Variants in ZNF804A observed in about 807,000 individuals in gnomAD.
ZNF804A encodes zinc finger protein 804A.
ZNF804A carries 2 observed loss-of-function variants against 16.5 expected under a neutral mutation model. That is an observed-to-expected ratio of 0.12 (90% CI 0.05 to 0.38). ZNF804A has a LOEUF of 0.38. Ranked by LOEUF, ZNF804A falls within the 10% of genes least tolerant of loss-of-function variation. ZNF804A has a pLI of 0.99. For missense variants in ZNF804A, 1,473 were observed against 1,390.7 expected, an observed-to-expected ratio of 1.06 and a Z score of -0.94; for synonymous variants, 534 against 489.6, an observed-to-expected ratio of 1.09 and a Z score of -1.20.
Position 184,935,902 on chromosome 2 carries a change from C to A in ZNF804A, c.506C>A (p.Thr169Asn). The A allele has an allele frequency of 1.2e-6, 2 of 1,613,898 alleles. No individual in the cohort carries two copies. Among genetic ancestry groups the A allele is most frequent in the Non-Finnish European group, 1.7e-6 (2 of 1,179,894 alleles). Residue 169 changes from threonine (T) to asparagine (N), a missense_variant, in exon 4 of 4, where the codon ACT becomes AAT. By Grantham distance (65) the Thr-to-Asn change is moderately conservative. Transcript: ENST00000302277. ...AATAACCAGCAAGATTTCAAATATA[C>A]TTTGATTCATAGTGAAGAGAATACT... is the stretch of plus-strand genomic sequence containing the variant. ...SVNNQQDFKY[T>N]LIHSEENTKD...
chr2:184,669,290 A>G (rs1692304560), intron 1 of ZNF804A, among the ~76,000 whole-genome samples: 1 of 152,096 alleles, frequency 6.6e-6, no homozygotes. Flanking sequence ...GCTGACATAT[A>G]AAGTACTTCA....
At chr2:184,911,074 T>C (rs1280382570) in intron 2 of ZNF804A, among the ~76,000 whole-genome samples, 1 of 152,012 alleles carries the variant, frequency 6.6e-6, no homozygotes, top group Non-Finnish European at 1.5e-5. Flanking sequence ...GAATGGTGTT[T>C]ACCAGGTTTT....
At chr2:184,742,879 G>C (rs1559139679) in intron 1 of ZNF804A, among the ~76,000 whole-genome samples, 1 of 151,728 alleles carries the variant, frequency 6.6e-6, no homozygotes, top group Non-Finnish European at 1.5e-5. Context: ...ATCTCAATCT[G>C]GTGAAAGTGA....
intron 1 of ZNF804A, among the ~76,000 whole-genome samples, chr2:184,765,596 C>T (rs1262428676): frequency 1.4e-5 from 2 of 144,064 alleles, no homozygotes; most frequent in Admixed American, 1.4e-4. Flanking sequence ...TCACTACCCC[C>T]TCACATGCAC....
intron 1 of ZNF804A, among the ~76,000 whole-genome samples, chr2:184,854,088 G>A (rs909005102): frequency 2.6e-5 from 4 of 151,836 alleles, no homozygotes; most frequent in South Asian, 4.2e-4. Context: ...TGTTAGTAAC[G>A]ATTTGATCTT....
chr2:184,611,095 A>G (rs979906653), intron 1 of ZNF804A, among the ~76,000 whole-genome samples: 1 of 152,106 alleles, frequency 6.6e-6, no homozygotes, highest in African/African-American at 2.4e-5. Flanking sequence ...GTGTCTGGTG[A>G]GAGCTTGCTT....
chr2:184,636,452 T>TGTGAGA (rs1232918891), intron 1 of ZNF804A, among the ~76,000 whole-genome samples: 1 of 114,290 alleles, frequency 8.7e-6, no homozygotes, highest in African/African-American at 3.4e-5. Flanking sequence ...TGTGTGTGTG[T>TGTGAGA]GAGAGAGAGA....
At chr2:184,630,511 T>A (rs190841690) in intron 1 of ZNF804A, among the ~76,000 whole-genome samples, 59 of 152,312 alleles carry the variant, frequency 3.9e-4, no homozygotes, top group African/African-American at 1.3e-3. Context: ...TGTAATACAA[T>A]GCTTTATGTG....
At chr2:184,856,730 T>C (rs764354532) in intron 1 of ZNF804A, among the ~76,000 whole-genome samples, 12 of 152,122 alleles carry the variant, frequency 7.9e-5, no homozygotes, top group Non-Finnish European at 1.6e-4. Flanking sequence ...GAAAATATTA[T>C]ATAAAATCAC....
intron 2 of ZNF804A, among the ~76,000 whole-genome samples, chr2:184,930,687 T>C (rs1470367678): frequency 1.3e-5 from 2 of 152,202 alleles, no homozygotes; most frequent in Non-Finnish European, 2.9e-5. Flanking sequence ...CTTTTTAAAA[T>C]AGATGGAACA....
chr2:184,847,072 G>T (rs1220015288), intron 1 of ZNF804A, among the ~76,000 whole-genome samples: 2 of 152,108 alleles, frequency 1.3e-5, no homozygotes, highest in Non-Finnish European at 2.9e-5. Flanking sequence ...TCTTAAAGGA[G>T]ATATCACTTT....
intron 1 of ZNF804A, among the ~76,000 whole-genome samples, chr2:184,843,196 T>C (rs1695462729): frequency 6.6e-6 from 1 of 152,150 alleles, no homozygotes; most frequent in African/African-American, 2.4e-5. Context: ...AACCCAAAAG[T>C]TCCAGGTGCA....
At chr2:184,745,591 A>G (rs1377028401) in intron 1 of ZNF804A, among the ~76,000 whole-genome samples, 1 of 151,654 alleles carries the variant, frequency 6.6e-6, no homozygotes, top group Non-Finnish European at 1.5e-5. Flanking sequence ...TAGAGAAAAG[A>G]ATGTTCTTCA....
At chr2:184,903,996 T>C (rs1310331239) in intron 2 of ZNF804A, among the ~76,000 whole-genome samples, 2 of 152,092 alleles carry the variant, frequency 1.3e-5, no homozygotes, top group Non-Finnish European at 1.5e-5. Flanking sequence ...AAAACCCTGT[T>C]AGAGCTAATA....
chr2:184,819,090 C>T (rs1472541457), intron 1 of ZNF804A, among the ~76,000 whole-genome samples: 1 of 152,040 alleles, frequency 6.6e-6, no homozygotes, highest in Non-Finnish European at 1.5e-5. Flanking sequence ...CAGAACTCTC[C>T]ACCCAAAAGT....
chr2:184,608,443 T>C (rs972875040), intron 1 of ZNF804A, among the ~76,000 whole-genome samples: 3 of 152,114 alleles, frequency 2.0e-5, no homozygotes, highest in African/African-American at 7.2e-5. Flanking sequence ...AGGGCTGTAA[T>C]TGGTGGAAAA....
chr2:184,768,154 A>G (rs1425721289), intron 1 of ZNF804A, among the ~76,000 whole-genome samples: 1 of 152,076 alleles, frequency 6.6e-6, no homozygotes, highest in Non-Finnish European at 1.5e-5. Flanking sequence ...GCAATACAGG[A>G]AAACAACTAT....
chr2:184,905,731 T>C lies in ZNF804A; in HGVS notation c.256-27872T>C, dbSNP rs145869147. Among the ~76,000 whole-genome samples, 845 of 152,302 alleles carry C rather than the reference T, an allele frequency of 5.5e-3. 6 individuals are homozygous for C. The highest frequency in any genetic ancestry group is 0.017 in the Middle Eastern group (5 of 294). Reference sequence around the variant, plus strand: ...CAATGTGTCTACAGGCATGTTTCCATCTAGGGGGTGATTTTATGGTGAATC... The same window carrying C: ...CAATGTGTCTACAGGCATGTTTCCACCTAGGGGGTGATTTTATGGTGAATC... On this transcript the variant is annotated intron_variant, in intron 2 of 3. Transcript: ENST00000302277.
chr2:184,639,215 A>G (rs1337660492), intron 1 of ZNF804A, among the ~76,000 whole-genome samples: 1 of 151,668 alleles, frequency 6.6e-6, no homozygotes, highest in East Asian at 1.9e-4. Context: ...CTGGGATTAC[A>G]GGTGCCCACC....
Sources: allele counts gnomAD v4.1 joint callset (sites outside exome capture counted in the v4.1 genomes callset), GRCh38; gene constraint gnomAD v4.1.1; transcripts MANE v1.5; gene names NCBI Gene and HGNC (gene_info 2026-07-23, HGNC 2026-07-21).